The following EP400 variants were observed in gnomAD, a reference collection of about 807,000 sequenced individuals.
EP400 encodes the protein E1A binding protein p400.
EP400 carries 105 observed loss-of-function variants against 354.1 expected under a neutral mutation model. The observed-to-expected ratio is 0.30, with a 90% CI of 0.25 to 0.35. The LOEUF is 0.35. Ranked by LOEUF, EP400 falls within the 10% of genes least tolerant of loss-of-function variation. The pLI, the probability that EP400 is intolerant of heterozygous loss-of-function variation, is 1.00. For missense variants in EP400, 3,280 were observed against 4,121.0 expected (o/e 0.80, Z 5.59); for synonymous variants, 1,646 against 1,716.9 (o/e 0.96, Z 1.02).
At position 132,025,314 on chromosome 12, in the gene EP400, CTG is replaced by C. The variant is rs1894268865; in HGVS notation, c.4856-329_4856-328del. Among the ~76,000 whole-genome samples the C allele has an allele frequency of 6.6e-6, 1 of 152,154 alleles. No homozygotes were observed. The highest frequency in any genetic ancestry group is 2.4e-5 in the African/African-American group (1 of 41,424). Reference sequence around the variant, plus strand: ...TCTATTTCTTCATTCTCCTTGACTGCTGTGATCTGGGAGTGGGGATGTCCGCC... The same window carrying C: ...TCTATTTCTTCATTCTCCTTGACTGCTGATCTGGGAGTGGGGATGTCCGCC... On this transcript the variant is annotated intron_variant, in intron 24 of 52. Transcript: ENST00000389561. This position sits in a 1 kb window ranked among gnomAD's most constrained non-coding sequence, Gnocchi z 4.1.
At chr12:131,963,398 C>T (rs58728522) in intron 2 of EP400, 71,752 of 656,688 alleles carry the variant, frequency 0.11, 5,532 homozygotes, top group African/African-American at 0.31. Context: ...AGTATCCTTT[C>T]ACAGGAATTG....
At position 132,044,875 on chromosome 12, in the gene EP400, G is replaced by T; in HGVS notation, c.6706G>T (p.Ala2236Ser). The T allele has an allele frequency of 1.2e-6, 2 of 1,614,206 alleles. No individual in the cohort carries two copies. Among genetic ancestry groups the T allele is most frequent in the Non-Finnish European group, 1.7e-6 (2 of 1,180,038 alleles). ...CTCGGTCATGTGTCTCATGTATGAA[G>T]CCACTCCCATCCCAGAGGCTAAGCT... ...LDSVMCLMYE[A>S]TPIPEAKLPP... Residue 2236 changes from alanine to serine, a missense_variant, in exon 37 of 53, where the codon GCC becomes TCC. Physicochemically the swap from Ala to Ser is moderately conservative, Grantham distance 99. This residue lies in a region of EP400 where 231 missense variants were observed against 257.9 expected (regional missense o/e 0.90). Coordinates refer to ENST00000389561, the MANE Select transcript of EP400 (RefSeq NM_015409.5).
At position 132,050,063 on chromosome 12, in the gene EP400, T is replaced by TGATTATGGGGC. The variant is rs1829809408; in HGVS notation, c.7201-259_7201-249dup. On this transcript the variant is annotated intron_variant, in intron 39 of 52. Transcript: ENST00000389561. The surrounding 1 kb of genome is among the most constrained non-coding windows in gnomAD (Gnocchi z 4.8). ...GTTTTGTTCCCTCTCCCTCTTGGGGTGATTATGGGGCTTACGTGAGAGAAC... is the reference window on the plus strand; with the variant it reads ...GTTTTGTTCCCTCTCCCTCTTGGGGTGATTATGGGGCGATTATGGGGCTTACGTGAGAGAAC... Among the ~76,000 whole-genome samples, 5 of 151,974 alleles carry TGATTATGGGGC rather than the reference T, an allele frequency of 3.3e-5. No individual in the cohort carries two copies. The South Asian group carries it at 1.0e-3, about 32-fold the overall frequency.
chr12:131,957,083 C>T (rs1452623270), intron 1 of EP400, among the ~76,000 whole-genome samples: 1 of 152,010 alleles, frequency 6.6e-6, no homozygotes, highest in Non-Finnish European at 1.5e-5. Flanking sequence ...ATTGGTCAGG[C>T]TGGTCTCAAA....
At chr12:132,069,425 C>T (rs768780678) in intron 50 of EP400, 70 bp from the exon 51 acceptor site, 33 of 1,570,660 alleles carry the variant, frequency 2.1e-5, no homozygotes, top group South Asian at 1.7e-4. Flanking sequence ...GGGCCCAGAG[C>T]GGGCAGGCGT....
At chr12:131,963,749 C>G in intron 2 of EP400, 1 of 791,998 alleles carries the variant, frequency 1.3e-6, no homozygotes, top group East Asian at 2.8e-5. Flanking sequence ...TTTTCCAGAG[C>G]CCATTTCTTA....
rs774698483 is a variant in EP400, at chr12:132,027,429, A to C, written c.5015-8A>C. On this transcript the variant is annotated splice_polypyrimidine_tract_variant and splice_region_variant and intron_variant, in intron 25 of 52. Coordinates refer to ENST00000389561, the MANE Select transcript of EP400 (RefSeq NM_015409.5). This position sits in a 1 kb window ranked among gnomAD's most constrained non-coding sequence, Gnocchi z 4.9. ...TTCCTTTTCACCTCTTCCTTTATGC[A>C]TTTGTAGTTGGCGTTCCGGGCCGCG... is the stretch of plus-strand genomic sequence containing the variant. The C allele has an allele frequency of 3.7e-6, 6 of 1,613,936 alleles. No homozygotes were observed. The highest frequency in any genetic ancestry group is 1.3e-5 in the African/African-American group (1 of 75,032).
chr12:131,996,172 T>A (rs974738690), intron 12 of EP400, among the ~76,000 whole-genome samples: 4 of 152,182 alleles, frequency 2.6e-5, no homozygotes, highest in Non-Finnish European at 5.9e-5. Flanking sequence ...TTCCCTGTGT[T>A]TGCTGTGAGC....
chr12:131,958,712 G>A (rs191289855), intron 1 of EP400, among the ~76,000 whole-genome samples: 14 of 152,138 alleles, frequency 9.2e-5, no homozygotes, highest in African/African-American at 3.1e-4. Context: ...GTAGAGATGG[G>A]GTCTCACTAT....
At chr12:131,987,451 C>G (rs918643763) in intron 6 of EP400, among the ~76,000 whole-genome samples, 3 of 152,134 alleles carry the variant, frequency 2.0e-5, no homozygotes, top group Admixed American at 6.6e-5. Context: ...TTTTATAGAG[C>G]TGGGGCAGGA....
chr12:132,030,247 C>A, intron 29 of EP400, 89 bp downstream of exon 29: 1 of 1,436,708 alleles, frequency 7.0e-7, no homozygotes, highest in Non-Finnish European at 9.5e-7. Context: ...GGTCTCATGG[C>A]CCTTCTAAGT....
intron 19 of EP400, among the ~76,000 whole-genome samples, chr12:132,015,640 C>T (rs1468875245): frequency 6.6e-6 from 1 of 152,192 alleles, no homozygotes; most frequent in Non-Finnish European, 1.5e-5. Context: ...GAAAGCACGT[C>T]TTATTCTGCT....
At chr12:131,998,621 ACT>A (rs749070536) in intron 12 of EP400, among the ~76,000 whole-genome samples, 12 of 148,430 alleles carry the variant, frequency 8.1e-5, no homozygotes, top group Non-Finnish European at 1.0e-4. Flanking sequence ...ACTTTTCTGA[ACT>A]CTGTTTGTTA....
At chr12:132,043,483 A>G in intron 33 of EP400, 21 bp downstream of exon 33, 1 of 1,604,238 alleles carries the variant, frequency 6.2e-7, no homozygotes. Flanking sequence ...GTTTTCCTTT[A>G]CAACTACATA....
rs753406333 is a variant in EP400 at position 132,011,637 on chromosome 12, AT to A, written c.3441+13del. 1.2e-3 allele frequency: 1,702 copies of A among 1,476,972 alleles called. No homozygotes were observed. Among genetic ancestry groups the A allele is most frequent in the Admixed American group, 3.0e-3 (143 of 47,758 alleles). The allele number at this position is 1,476,972 out of a possible 1,614,324, so 91.5% of individuals were successfully genotyped here. On this transcript the variant is annotated splice_donor_region_variant and intron_variant, in intron 16 of 52. Transcript: ENST00000389561. The stretch of plus-strand genomic sequence containing the variant: ...GAGAACTCAAAGCAAAGAGACAGGT[AT>A]TTTTTTTTTAAACATAAAATAAAGC...
intron 19 of EP400, among the ~76,000 whole-genome samples, chr12:132,016,933 A>G (rs1466069420): frequency 6.6e-6 from 1 of 151,964 alleles, no homozygotes; most frequent in Admixed American, 6.6e-5. Context: ...CCGACCAGTT[A>G]CCTGTCGTCA....
At chr12:132,021,403 G>C in intron 23 of EP400, 82 bp downstream of exon 23, 1 of 1,426,686 alleles carries the variant, frequency 7.0e-7, no homozygotes, top group Non-Finnish European at 9.1e-7. Context: ...TGTAGGAGGA[G>C]CCTTGCTGTC....
chr12:131,991,115 A>C (rs1357016750), intron 9 of EP400, among the ~76,000 whole-genome samples: 1 of 152,160 alleles, frequency 6.6e-6, no homozygotes, highest in East Asian at 1.9e-4. Flanking sequence ...CACCAGTGGC[A>C]GCAGCATTCA....
intron 34 of EP400, 133 bp from the exon 35 acceptor site, chr12:132,044,044 G>C (rs1565926775): frequency 1.6e-6 from 2 of 1,275,268 alleles, no homozygotes; most frequent in East Asian, 4.7e-5. Context: ...TGCTTGTGGG[G>C]GTGATGCATT....
Sources: gnomAD v4.1 joint callset for allele counts (sites outside exome capture counted in the v4.1 genomes callset) on GRCh38, gnomAD v4.1.1 for gene constraint, gnomAD v4.1.1 regional missense constraint, Gnocchi (gnomAD v3.1) non-coding constraint, MANE v1.5 for transcripts, NCBI Gene and HGNC (gene_info 2026-07-23, HGNC 2026-07-21) for gene names.